Variants in ANKFN1 observed in about 807,000 individuals in gnomAD.
ANKFN1 encodes ankyrin repeat and fibronectin type III domain containing 1.
A neutral mutation model predicts 108.7 loss-of-function variants in ANKFN1; 74 were observed. That is an observed-to-expected ratio of 0.68 (90% CI 0.56 to 0.83). The LOEUF is 0.83. Ranked by LOEUF, ANKFN1 falls within the 40% of genes least tolerant of loss-of-function variation. The pLI is 0.00. For synonymous variants in ANKFN1, 547 were observed against 516.2 expected (o/e 1.06, Z -0.81); for missense variants, 1,505 against 1,382.3 (o/e 1.09, Z -1.41).
chr17:56,444,721 G>A lies in ANKFN1; in HGVS notation c.1099+1788G>A, dbSNP rs145933479. On this transcript the variant is annotated intron_variant, in intron 10 of 20. Coordinates refer to ENST00000682825, the MANE Select transcript of ANKFN1 (RefSeq NM_001370326.1). ...TTATTGGGTTCATTTTACTGATGAG[G>A]GAACTATAAACATAGAGGCACATAT... Among the ~76,000 whole-genome samples the A allele has an allele frequency of 2.3e-4, 35 of 152,262 alleles. No homozygotes were observed. The East Asian group carries it at 5.2e-3, about 23-fold the overall frequency.
intron 8 of ANKFN1, among the ~76,000 whole-genome samples, chr17:56,383,377 G>A (rs7219697): frequency 0.56 from 85,020 of 151,948 alleles, 28,023 homozygotes; most frequent in East Asian, 0.96. Flanking sequence ...AGAGAAAGCA[G>A]GAAAGATCCA....
chr17:56,460,814 T>A (rs749575856), intron 14 of ANKFN1, among the ~76,000 whole-genome samples: 4 of 152,126 alleles, frequency 2.6e-5, no homozygotes, highest in Non-Finnish European at 5.9e-5. Context: ...TAGCCCCACA[T>A]GCCCCTTCAG....
intron 4 of ANKFN1, among the ~76,000 whole-genome samples, chr17:56,056,882 G>A (rs913651523): frequency 6.6e-6 from 1 of 152,130 alleles, no homozygotes; most frequent in Non-Finnish European, 1.5e-5. Flanking sequence ...ACTCTCTTTC[G>A]CAAAATATTT....
intron 8 of ANKFN1, among the ~76,000 whole-genome samples, chr17:56,407,789 G>A (rs2047964901): frequency 6.6e-6 from 1 of 152,102 alleles, no homozygotes; most frequent in African/African-American, 2.4e-5. Context: ...AGTTAAACTA[G>A]AATGATCTTA....
At chr17:56,402,389 A>G (rs1259725130) in intron 8 of ANKFN1, among the ~76,000 whole-genome samples, 1 of 152,034 alleles carries the variant, frequency 6.6e-6, no homozygotes, top group African/African-American at 2.4e-5. Context: ...TGTTCAGGGT[A>G]TCTAATTCTT....
At chr17:56,167,164 A>G (rs1910192748) in intron 1 of ANKFN1, among the ~76,000 whole-genome samples, 1 of 151,214 alleles carries the variant, frequency 6.6e-6, no homozygotes, top group South Asian at 2.1e-4. Context: ...TATATGTTAA[A>G]CATGCTATAT....
intron 4 of ANKFN1, among the ~76,000 whole-genome samples, chr17:56,067,631 C>G (rs1263075394): frequency 6.6e-6 from 1 of 152,184 alleles, no homozygotes; most frequent in Non-Finnish European, 1.5e-5. Flanking sequence ...TGTGACATTT[C>G]TCAAGAGGAA....
Position 56,466,546 on chromosome 17 carries a change from TAGA to T in ANKFN1, c.1749_1751del (p.Leu583_Asp584delinsPhe). On this transcript the variant is annotated inframe_deletion, in exon 15 of 21. Transcript: ENST00000682825. ...TCAACACCTGAGGAGCCAACAGCTT[TAGA>T]CATTCTACTGATAACCATCCAGGTA... is the stretch of plus-strand genomic sequence containing the variant. 1 of 1,612,646 alleles carries T rather than the reference TAGA, an allele frequency of 6.2e-7. No individual in the cohort carries two copies. The highest frequency in any genetic ancestry group is 8.5e-7 in the Non-Finnish European group (1 of 1,179,240).
chr17:56,440,271 T>C, intron 8 of ANKFN1, 56 bp from the exon 9 acceptor site: 2 of 1,126,584 alleles, frequency 1.8e-6, no homozygotes, highest in Admixed American at 3.6e-5. Context: ...TCTTGATGTG[T>C]GACTGAATTT....
rs77301484 is a variant in ANKFN1 at position 56,100,640 on chromosome 17, A to G, written c.288+54315A>G. On this transcript the variant is annotated intron_variant, in intron 4 of 12. Transcript: ENST00000635860. ...TGTTTTTGCAATCCCCTAGTGAGAGAGGAGATCAGAGGAGGCAGTAGGGTA... is the reference window on the plus strand; with the variant it reads ...TGTTTTTGCAATCCCCTAGTGAGAGGGGAGATCAGAGGAGGCAGTAGGGTA... Among the ~76,000 whole-genome samples the G allele has an allele frequency of 8.7e-3, 1,332 of 152,252 alleles. 1 individual carries two copies. Among genetic ancestry groups the G allele is most frequent in the Non-Finnish European group, 0.014 (975 of 68,004 alleles).
chr17:56,480,979 C>A (rs1212385758), intron 17 of ANKFN1, among the ~76,000 whole-genome samples, 161 bp downstream of exon 17: 1 of 150,578 alleles, frequency 6.6e-6, no homozygotes, highest in Non-Finnish European at 1.5e-5. Flanking sequence ...TGAATTAATG[C>A]CCACAGGTAG....
chr17:56,459,590 G>T (rs2049834296), intron 14 of ANKFN1, among the ~76,000 whole-genome samples: 1 of 152,120 alleles, frequency 6.6e-6, no homozygotes, highest in Non-Finnish European at 1.5e-5. Flanking sequence ...TTCCTAAGAG[G>T]CTCAGACTCC....
chr17:56,228,085 T>A, intron 3 of ANKFN1, 128 bp downstream of exon 3: 1 of 709,438 alleles, frequency 1.4e-6, no homozygotes, highest in Non-Finnish European at 2.3e-6. Flanking sequence ...ACAGCCAATC[T>A]AACATTTCAT....
intron 4 of ANKFN1, among the ~76,000 whole-genome samples, chr17:56,056,488 G>A (rs931822110): frequency 2.0e-5 from 3 of 151,852 alleles, no homozygotes; most frequent in Non-Finnish European, 4.4e-5. Flanking sequence ...ATAGATCAAT[G>A]GGACAGAATA....
intron 3 of ANKFN1, among the ~76,000 whole-genome samples, chr17:56,268,543 A>G (rs2043712596): frequency 6.6e-6 from 1 of 152,214 alleles, no homozygotes; most frequent in South Asian, 2.1e-4. Flanking sequence ...GAGCAAACCA[A>G]TCCCAAGGCT....
At chr17:56,047,631 G>A (rs1560469) in intron 4 of ANKFN1, among the ~76,000 whole-genome samples, 68,758 of 151,966 alleles carry the variant, frequency 0.45, 18,430 homozygotes, top group Middle Eastern at 0.65. Context: ...CTTCTACAAG[G>A]TATCCTTTCA....
chr17:56,292,876 A>T (rs186123978), intron 3 of ANKFN1, among the ~76,000 whole-genome samples: 1 of 152,236 alleles, frequency 6.6e-6, no homozygotes, highest in Admixed American at 6.5e-5. Flanking sequence ...CTAAACAGTC[A>T]TACTTTGCTC....
chr17:56,343,684 C>A (rs984164509), intron 4 of ANKFN1, among the ~76,000 whole-genome samples: 2 of 151,912 alleles, frequency 1.3e-5, no homozygotes, highest in Admixed American at 6.6e-5. Context: ...TACCTCTCTT[C>A]TTCTCCTGGG....
At chr17:56,491,966 A>G (rs1319598779) in intron 18 of ANKFN1, among the ~76,000 whole-genome samples, 1 of 152,088 alleles carries the variant, frequency 6.6e-6, no homozygotes, top group East Asian at 1.9e-4. Context: ...ACTTCCCCAT[A>G]CCTTACTAGG....
Sources: allele counts gnomAD v4.1 joint callset (sites outside exome capture counted in the v4.1 genomes callset), GRCh38; gene constraint gnomAD v4.1.1; transcripts MANE v1.5; gene names NCBI Gene and HGNC (gene_info 2026-07-23, HGNC 2026-07-21).